LRP4: variants seen among roughly 807,000 people sequenced by gnomAD.
The protein encoded by LRP4 is low-density lipoprotein receptor-related protein 4.
Under a neutral mutation model 220.3 loss-of-function variants are expected in LRP4, and 95 were observed. The observed-to-expected ratio is 0.43, with a 90% CI of 0.37 to 0.51. LRP4 has a LOEUF of 0.51. LRP4 is among the 20% of genes least tolerant of loss of function. The probability of loss-of-function intolerance (pLI) is 0.00; values close to 1 mark genes in which losing one functional copy is unlikely to be tolerated. For missense variants in LRP4, 1,925 were observed against 2,567.0 expected, an observed-to-expected ratio of 0.75 and a Z score of 5.40; for synonymous variants, 903 against 954.6, an observed-to-expected ratio of 0.95 and a Z score of 1.00.
In LRP4 at chr11:46,902,877, T is replaced by G. The variant is rs766633369; in HGVS notation, c.105A>C (p.Ala35=). 3.1e-6 allele frequency: 5 copies of G among 1,614,128 alleles called. No homozygotes were observed. The Admixed American group carries it at 8.3e-5, about 27-fold the overall frequency. The change falls in exon 2 of 38, where the codon GCA becomes GCC. Residue 35 remains alanine, a synonymous_variant. Coordinates refer to ENST00000378623, the MANE Select transcript of LRP4 (RefSeq NM_002334.4). ...CACGRSHFTC[A]VSALGECTCI... is the part of the protein sequence containing the mutation. The stretch of plus-strand genomic sequence containing the variant: ...AGGTACACTCTCCAAGAGCACTCAC[T>G]GCACATGTGAAGTGGCTCCGACCAC...
chr11:46,876,217 C>T (rs1293136901), intron 25 of LRP4, among the ~76,000 whole-genome samples: 6 of 152,140 alleles, frequency 3.9e-5, no homozygotes, highest in Non-Finnish European at 4.4e-5. Context: ...GGTTAAATAC[C>T]GGACCCAAGT....
At chr11:46,893,225 G>C in intron 12 of LRP4, 96 bp from the exon 13 acceptor site, 2 of 1,312,428 alleles carry the variant, frequency 1.5e-6, no homozygotes, top group Non-Finnish European at 2.2e-6. Flanking sequence ...GCAATTTTTT[G>C]GGCCAGGCAC....
Position 46,899,095 on chromosome 11 carries a change from T to G in LRP4, c.548-63A>C. 1 of 1,496,818 alleles carries G rather than the reference T, an allele frequency of 6.7e-7. No homozygotes were observed. Among genetic ancestry groups the G allele is most frequent in the Non-Finnish European group, 9.2e-7 (1 of 1,088,232 alleles). The allele number at this position is 1,496,818 out of a possible 1,614,324, so 92.7% of individuals were successfully genotyped here. On this transcript the variant is annotated intron_variant, in intron 5 of 37. Coordinates refer to ENST00000378623, the MANE Select transcript of LRP4 (RefSeq NM_002334.4). The surrounding 1 kb of genome is among the most constrained non-coding windows in gnomAD (Gnocchi z 5.9). ...AGGCCTGGATGAAGGAGAGGGGCCCTGATTCCTCAAGCAGGCAGGATGCTC... is the reference window on the plus strand; with the variant it reads ...AGGCCTGGATGAAGGAGAGGGGCCCGGATTCCTCAAGCAGGCAGGATGCTC...
At chr11:46,895,410 GCTGT>G (rs1413747044) in intron 10 of LRP4, 119 bp from the exon 11 acceptor site, 3 of 1,419,124 alleles carry the variant, frequency 2.1e-6, no homozygotes, top group East Asian at 2.3e-5. Flanking sequence ...TAGTGGGAAG[GCTGT>G]CTAAGAAATG....
chr11:46,899,709 C>A lies in LRP4; in HGVS notation c.430+154G>T, dbSNP rs1462963409. On this transcript the variant is annotated intron_variant, in intron 4 of 37. Transcript: ENST00000378623. This position sits in a 1 kb window ranked among gnomAD's most constrained non-coding sequence, Gnocchi z 5.9. ...TCCTGGTCCACAGTTTCTGGGGGGTCTGAGCGGCTCTGCCCCCTCTGCGTT... is the reference window on the plus strand; with the variant it reads ...TCCTGGTCCACAGTTTCTGGGGGGTATGAGCGGCTCTGCCCCCTCTGCGTT... Among the ~76,000 whole-genome samples, 1 of 152,228 alleles carries A rather than the reference C, an allele frequency of 6.6e-6. No homozygotes were observed. Among genetic ancestry groups the A allele is most frequent in the Non-Finnish European group, 1.5e-5 (1 of 68,036 alleles).
At chr11:46,871,332 T>C (rs917788735) in intron 31 of LRP4, among the ~76,000 whole-genome samples, 193 bp downstream of exon 31, 3 of 152,148 alleles carry the variant, frequency 2.0e-5, no homozygotes, top group African/African-American at 4.8e-5. Flanking sequence ...AACATGGGAA[T>C]GGCAGGATAA....
intron 1 of LRP4, among the ~76,000 whole-genome samples, chr11:46,913,600 A>G (rs950036385): frequency 6.6e-6 from 1 of 151,820 alleles, no homozygotes; most frequent in Non-Finnish European, 1.5e-5. Flanking sequence ...CTGGAGCCTG[A>G]CTCCTTTCTC....
At chr11:46,889,689 C>T (rs1592536006) in intron 15 of LRP4, 156 bp from the exon 16 acceptor site, 1 of 1,013,454 alleles carries the variant, frequency 9.9e-7, no homozygotes, top group African/African-American at 1.6e-5. Flanking sequence ...ACAGTGAGTA[C>T]CCGGCACAGA....
Position 46,858,865 on chromosome 11 carries a change from G to C in LRP4, c.*118C>G, listed in dbSNP as rs1940452555. On this transcript the variant is annotated 3_prime_UTR_variant, in exon 38 of 38. Coordinates refer to ENST00000378623, the MANE Select transcript of LRP4 (RefSeq NM_002334.4). ...CGGTGAAGGCTTAGGAACAGTTATGGGGTGGGAGGAGGAGGAGGACAAGCA... is the reference window on the plus strand; with the variant it reads ...CGGTGAAGGCTTAGGAACAGTTATGCGGTGGGAGGAGGAGGAGGACAAGCA... 1 of 941,450 alleles carries C rather than the reference G, an allele frequency of 1.1e-6. No homozygotes were observed. The highest frequency in any genetic ancestry group is 2.4e-5 in the East Asian group (1 of 41,410). The allele number at this position is 941,450 out of a possible 1,614,324, so 58.3% of individuals were successfully genotyped here.
chr11:46,892,696 C>T (rs979198875), intron 13 of LRP4, among the ~76,000 whole-genome samples: 2 of 152,068 alleles, frequency 1.3e-5, no homozygotes, highest in Non-Finnish European at 2.9e-5. Context: ...CTCAACCTCC[C>T]GAGTAGCTGG....
chr11:46,905,648 C>A (rs1941747680), intron 1 of LRP4, among the ~76,000 whole-genome samples: 1 of 151,874 alleles, frequency 6.6e-6, no homozygotes, highest in Non-Finnish European at 1.5e-5. Context: ...GTCAGGAGTT[C>A]AAGACCAGCA....
chr11:46,906,002 G>A (rs1330025969), intron 1 of LRP4, among the ~76,000 whole-genome samples: 1 of 152,180 alleles, frequency 6.6e-6, no homozygotes, highest in Non-Finnish European at 1.5e-5. Flanking sequence ...GATGAAAGCT[G>A]TGGAAAGGAC....
chr11:46,876,017 C>T, intron 25 of LRP4, 51 bp from the exon 26 acceptor site: 1 of 1,571,502 alleles, frequency 6.4e-7, no homozygotes, highest in South Asian at 1.1e-5. Flanking sequence ...CAGCAGCTAC[C>T]ACATACCATG....
Position 46,918,190 on chromosome 11 carries a change from C to A in LRP4, c.52+138G>T. On this transcript the variant is annotated intron_variant, in intron 1 of 37. Coordinates refer to ENST00000378623, the MANE Select transcript of LRP4 (RefSeq NM_002334.4). This position sits in a 1 kb window ranked among gnomAD's most constrained non-coding sequence, Gnocchi z 6.0. ...GCCGGGGCCGCTCCGGGTCCTCTCC[C>A]CTGCACGCAGCCCCAGGGCCACGGC... 6 of 928,682 alleles carry A rather than the reference C, an allele frequency of 6.5e-6. No homozygotes were observed. Among genetic ancestry groups the A allele is most frequent in the Non-Finnish European group, 9.4e-6 (6 of 636,624 alleles). 57.5% of individuals were successfully genotyped at this position (928,682 alleles called of 1,614,324 possible). A position where few individuals can be genotyped will look rare whatever the true frequency, so the allele number is the denominator to read the frequency against.
Position 46,897,012 on chromosome 11 carries a change from T to C in LRP4, c.797-18A>G. The C allele has an allele frequency of 6.2e-7, 1 of 1,614,048 alleles. No individual in the cohort carries two copies. On this transcript the variant is annotated intron_variant, in intron 7 of 37. Transcript: ENST00000378623. ...GGAGGTGGCTGGGCAAAGCAAAGGCTTAATGAAAGGTGGGCCCCATTTCAG... is the reference window on the plus strand; with the variant it reads ...GGAGGTGGCTGGGCAAAGCAAAGGCCTAATGAAAGGTGGGCCCCATTTCAG...
intron 36 of LRP4, among the ~76,000 whole-genome samples, 156 bp downstream of exon 36, chr11:46,864,292 G>A (rs761835095): frequency 3.2e-4 from 48 of 152,182 alleles, no homozygotes; most frequent in Non-Finnish European, 1.5e-5. Context: ...AAGTATTTAG[G>A]TTTCCACCCT....
Position 46,890,443 on chromosome 11 carries a change from G to C in LRP4, c.1749C>G (p.Ser583Arg). 1 of 1,614,158 alleles carries C rather than the reference G, an allele frequency of 6.2e-7. No individual in the cohort carries two copies. Among genetic ancestry groups the C allele is most frequent in the South Asian group, 1.1e-5 (1 of 91,088 alleles). ...WGNTPRIEASSMDGSGRRIIA... is the reference protein window; with the variant it reads ...WGNTPRIEASRMDGSGRRIIA... The stretch of plus-strand genomic sequence containing the variant: ...TGATGCGGCGTCCAGAGCCATCCAT[G>C]CTGGAGGCCTCAATACGGGGGGTGT... The change falls in exon 14 of 38, where the codon AGC becomes AGG. Residue 583 changes from serine (S) to arginine (R), a missense_variant. Transcript: ENST00000378623. This position sits in a 1 kb window ranked among gnomAD's most constrained non-coding sequence, Gnocchi z 5.3.
intron 1 of LRP4, among the ~76,000 whole-genome samples, chr11:46,911,822 T>C (rs1592555245): frequency 1.3e-5 from 2 of 150,278 alleles, no homozygotes; most frequent in East Asian, 3.9e-4. Context: ...CTGTTTCCCA[T>C]CTGTAAGATG....
intron 1 of LRP4, among the ~76,000 whole-genome samples, chr11:46,909,733 G>T (rs961883096): frequency 8.2e-5 from 12 of 146,898 alleles, no homozygotes; most frequent in Non-Finnish European, 1.6e-4. Context: ...CAAGTTCGTT[G>T]AATGAATGAA....
Sources: gnomAD v4.1 joint callset for allele counts (sites outside exome capture counted in the v4.1 genomes callset) on GRCh38, gnomAD v4.1.1 for gene constraint, Gnocchi (gnomAD v3.1) non-coding constraint, MANE v1.5 for transcripts, NCBI Gene and HGNC (gene_info 2026-07-23, HGNC 2026-07-21) for gene names.